The following RELN variants were observed in gnomAD, a reference collection of about 807,000 sequenced individuals.
RELN encodes the protein reelin.
A neutral mutation model predicts 427.6 loss-of-function variants in RELN; 108 were observed. The ratio of observed to expected loss-of-function variants is 0.25; its 90% CI spans 0.22 to 0.30. The LOEUF (loss-of-function observed/expected upper bound fraction) is 0.30. RELN is among the 10% of genes least tolerant of loss of function. The pLI, the probability that RELN is intolerant of heterozygous loss-of-function variation, is 1.00. For synonymous variants in RELN, 1,524 were observed against 1,513.4 expected (o/e 1.01, Z -0.16); for missense variants, 3,715 against 4,302.8 (o/e 0.86, Z 3.82).
chr7:103,982,923 G>A (rs1237774130), intron 1 of RELN, among the ~76,000 whole-genome samples: 3 of 152,176 alleles, frequency 2.0e-5, no homozygotes, highest in Non-Finnish European at 4.4e-5. Context: ...AGTCTCCAAA[G>A]TAGCTAGGAT....
chr7:103,941,628 GA>G (rs1053881815), intron 1 of RELN, among the ~76,000 whole-genome samples: 9 of 152,064 alleles, frequency 5.9e-5, no homozygotes, highest in Middle Eastern at 3.4e-3. Flanking sequence ...AAATGTTCTA[GA>G]AAAAAGATAA....
chr7:103,671,451 T>G (rs1833391031), intron 11 of RELN, among the ~76,000 whole-genome samples: 1 of 152,132 alleles, frequency 6.6e-6, no homozygotes. Flanking sequence ...TTCTCATTAA[T>G]AAGACACTAA....
intron 12 of RELN, 80 bp from the exon 13 acceptor site, chr7:103,654,285 T>C (rs1832981928): frequency 3.8e-6 from 3 of 792,832 alleles, no homozygotes; most frequent in Non-Finnish European, 6.8e-6. Flanking sequence ...AATTTCAGAA[T>C]GAAAAATCAT....
chr7:103,915,509 G>C (rs903818849), intron 2 of RELN, among the ~76,000 whole-genome samples: 1 of 152,108 alleles, frequency 6.6e-6, no homozygotes, highest in African/African-American at 2.4e-5. Context: ...TAGAATTTCT[G>C]ATTCACTGTG....
chr7:103,666,848 T>A (rs1833278246), intron 11 of RELN, among the ~76,000 whole-genome samples: 1 of 152,156 alleles, frequency 6.6e-6, no homozygotes, highest in African/African-American at 2.4e-5. Context: ...GAAGTTGTTA[T>A]CCTAATTACT....
intron 55 of RELN, 41 bp from the exon 56 acceptor site, chr7:103,496,809 T>C: frequency 6.2e-7 from 1 of 1,607,876 alleles, no homozygotes; most frequent in Non-Finnish European, 8.5e-7. Flanking sequence ...ATATCTAGAA[T>C]CTCCTGCCTC....
chr7:103,521,991 A>G, intron 48 of RELN, 31 bp downstream of exon 48: 1 of 1,611,202 alleles, frequency 6.2e-7, no homozygotes, highest in Non-Finnish European at 8.5e-7. Context: ...TAAGAAGAGC[A>G]GAAATGAGTA....
chr7:103,572,230 G>A lies in RELN; in HGVS notation c.4542C>T (p.Ser1514=), dbSNP rs1317877632. The A allele has an allele frequency of 1.1e-5, 18 of 1,592,796 alleles. No individual in the cohort carries two copies. The highest frequency in any genetic ancestry group is 1.6e-5 in the Non-Finnish European group (18 of 1,160,716). Residue 1514 remains serine, a synonymous_variant, in exon 31 of 65, where the codon AGC becomes AGT. Coordinates refer to ENST00000428762, the MANE Select transcript of RELN (RefSeq NM_005045.4). ...RLVQFYIQIG[S]KTSGITCIKP... ...TGATGCAGGTAATGCCTGAAGTTTT[G>A]CTTCCAATTTGTATATAAAATTGAA... is the stretch of plus-strand genomic sequence containing the variant.
At chr7:103,487,368 A>C (rs1371741364) in intron 60 of RELN, among the ~76,000 whole-genome samples, 3 of 148,650 alleles carry the variant, frequency 2.0e-5, no homozygotes, top group African/African-American at 7.5e-5. Flanking sequence ...ACAAACCTGC[A>C]TGTTCTGCAC....
rs60313039 is a variant in RELN, at chr7:103,773,426, CCT to C, written c.544+3129_544+3130del. Among the ~76,000 whole-genome samples, 60 of 46,294 alleles carry C rather than the reference CCT, an allele frequency of 1.3e-3. 3 individuals are homozygous for C. The highest frequency in any genetic ancestry group is 4.2e-3 in the African/African-American group (48 of 11,536). 30.4% of individuals were successfully genotyped at this position (46,294 alleles called of 152,430 possible). A position where few individuals can be genotyped will look rare whatever the true frequency, so the allele number is the denominator to read the frequency against. On this transcript the variant is annotated intron_variant, in intron 4 of 64. Coordinates refer to ENST00000428762, the MANE Select transcript of RELN (RefSeq NM_005045.4). Reference sequence around the variant, plus strand: ...GTCTCTCTCTCTCTCTCCCTCGCTCCCTCTCTCTCTCTCTCTCTCCCTCGCTC... The same window carrying C: ...GTCTCTCTCTCTCTCTCCCTCGCTCCCTCTCTCTCTCTCTCTCCCTCGCTC...
chr7:103,596,832 G>A (rs1562913106), intron 24 of RELN, among the ~76,000 whole-genome samples, 171 bp from the exon 25 acceptor site: 1 of 152,130 alleles, frequency 6.6e-6, no homozygotes, highest in Non-Finnish European at 1.5e-5. Flanking sequence ...ATCCGACTAC[G>A]GTAACTGTTG....
chr7:103,624,322 C>T (rs980316172), intron 20 of RELN, among the ~76,000 whole-genome samples: 3 of 152,190 alleles, frequency 2.0e-5, no homozygotes, highest in Non-Finnish European at 2.9e-5. Context: ...CCTACTCTCT[C>T]GGGCTGATCA....
chr7:103,930,919 T>C (rs1756859681), intron 1 of RELN, among the ~76,000 whole-genome samples: 1 of 151,502 alleles, frequency 6.6e-6, no homozygotes, highest in African/African-American at 2.4e-5. Flanking sequence ...TGTCTCCTTC[T>C]GTTCTTTTTA....
chr7:103,977,192 T>A (rs774591534), intron 1 of RELN, among the ~76,000 whole-genome samples: 1 of 151,540 alleles, frequency 6.6e-6, no homozygotes, highest in Non-Finnish European at 1.5e-5. Context: ...GCGCCTGTAA[T>A]CCTAGCTACT....
chr7:103,921,111 G>A (rs1329297780), intron 1 of RELN, among the ~76,000 whole-genome samples: 1 of 152,120 alleles, frequency 6.6e-6, no homozygotes, highest in Non-Finnish European at 1.5e-5. Context: ...TGTAATTTGG[G>A]TTTTATTAAC....
Position 103,535,307 on chromosome 7 carries a change from C to A in RELN, c.7349+9G>T. ...GAAGCATGTGGTGAACATGTAGAAG[C>A]ATTCTTACCTGGTATAAGGAGGGAG... On this transcript the variant is annotated intron_variant, in intron 46 of 64. Transcript: ENST00000428762. The A allele has an allele frequency of 6.2e-7, 1 of 1,613,554 alleles. No homozygotes were observed. The highest frequency in any genetic ancestry group is 8.5e-7 in the Non-Finnish European group (1 of 1,179,600).
rs553376699 is a variant in RELN, at chr7:103,956,509, C to CA, written c.226+32621dup. On this transcript the variant is annotated intron_variant, in intron 1 of 64. Coordinates refer to ENST00000428762, the MANE Select transcript of RELN (RefSeq NM_005045.4). ...TACAGCATGACTTCTGGATATAATA[C>CA]AAAAAAATCTTATGAGAAAATCTCT... 3.2e-3 allele frequency among the ~76,000 whole-genome samples: 480 copies of CA among 151,998 alleles called. 1 individual carries two copies. The highest frequency in any genetic ancestry group is 0.014 in the Middle Eastern group (4 of 294).
Position 103,682,260 on chromosome 7 carries a change from T to C in RELN, c.1145A>G (p.His382Arg), listed in dbSNP as rs756299850. The C allele has an allele frequency of 3.7e-6, 6 of 1,613,992 alleles. No homozygotes were observed. Among genetic ancestry groups the C allele is most frequent in the Non-Finnish European group, 5.1e-6 (6 of 1,179,872 alleles). ...WLFFPGATVK[H>R]SCQSDGNSIY... ...GGAGTTCCCATCTGACTGACAGCTA[T>C]GCTGTAGGTGAAAAGAGAGCACGGG... Residue 382 changes from histidine (H) to arginine (R), a missense_variant and splice_region_variant, in exon 11 of 65, where the codon CAT (histidine) becomes CGT (arginine). Physicochemically the swap from His to Arg is conservative, Grantham distance 29. Transcript: ENST00000428762.
chr7:103,910,350 G>A (rs183263288), intron 2 of RELN, among the ~76,000 whole-genome samples: 4,778 of 147,026 alleles, frequency 0.032, 186 homozygotes, highest in East Asian at 0.18. Context: ...CAATCATGTC[G>A]CCTGCAAACA....
Sources: allele counts gnomAD v4.1 joint callset (sites outside exome capture counted in the v4.1 genomes callset), GRCh38; gene constraint gnomAD v4.1.1; transcripts MANE v1.5; gene names NCBI Gene and HGNC (gene_info 2026-07-23, HGNC 2026-07-21).